The following ITPR1 variants were observed in gnomAD, a reference collection of about 807,000 sequenced individuals.
ITPR1 encodes the protein inositol 1,4,5-trisphosphate receptor type 1.
ITPR1 carries 96 observed loss-of-function variants against 318.4 expected under a neutral mutation model. The ratio of observed to expected loss-of-function variants is 0.30; its 90% CI spans 0.26 to 0.36. ITPR1 has a LOEUF of 0.36. ITPR1 is among the 10% of genes least tolerant of loss of function. The pLI is 1.00. For synonymous variants in ITPR1, 1,312 were observed against 1,289.9 expected (o/e 1.02, Z -0.37); for missense variants, 2,440 against 3,460.2 (o/e 0.71, Z 7.40).
intron 24 of ITPR1, among the ~76,000 whole-genome samples, chr3:4,679,369 G>C (rs1186824740): frequency 3.3e-5 from 5 of 152,226 alleles, no homozygotes; most frequent in East Asian, 3.9e-4. Flanking sequence ...ACAGCAAGCT[G>C]TGTCCCGGGA....
chr3:4,586,614 A>G (rs2089928655), intron 4 of ITPR1, among the ~76,000 whole-genome samples: 1 of 147,838 alleles, frequency 6.8e-6, no homozygotes, highest in African/African-American at 2.5e-5. Context: ...GGCTCAAGCC[A>G]TCCTCCCACC....
intron 20 of ITPR1, among the ~76,000 whole-genome samples, chr3:4,672,887 A>G (rs748518630): frequency 5.0e-4 from 76 of 152,312 alleles, no homozygotes; most frequent in African/African-American, 1.7e-3. Context: ...AATTGCTCCA[A>G]CACAGCTGGA....
At chr3:4,784,395 A>G (rs2047030876) in intron 51 of ITPR1, among the ~76,000 whole-genome samples, 2 of 152,126 alleles carry the variant, frequency 1.3e-5, no homozygotes, top group South Asian at 4.1e-4. Context: ...TTCAAGGCTC[A>G]GGGCATAGAG....
At chr3:4,589,065 T>C (rs2090166426) in intron 4 of ITPR1, among the ~76,000 whole-genome samples, 1 of 152,176 alleles carries the variant, frequency 6.6e-6, no homozygotes, top group African/African-American at 2.4e-5. Flanking sequence ...GGCGTGCACC[T>C]GTGCTCCCAG....
intron 4 of ITPR1, among the ~76,000 whole-genome samples, chr3:4,566,600 A>G (rs1288164401): frequency 7.9e-6 from 1 of 127,190 alleles, no homozygotes; most frequent in East Asian, 2.2e-4. Flanking sequence ...GAATGGGGAC[A>G]CATGCACACA....
chr3:4,654,714 G>T (rs1162471392), intron 12 of ITPR1, among the ~76,000 whole-genome samples: 1 of 152,224 alleles, frequency 6.6e-6, no homozygotes. Context: ...TTTTGAAAAA[G>T]AAATGGAGGG....
intron 53 of ITPR1, among the ~76,000 whole-genome samples, chr3:4,797,699 A>G (rs967476701): frequency 6.6e-6 from 1 of 152,256 alleles, no homozygotes; most frequent in Non-Finnish European, 1.5e-5. Flanking sequence ...TCAAATATAC[A>G]CACAAGTAGA....
intron 44 of ITPR1, among the ~76,000 whole-genome samples, chr3:4,740,605 C>T (rs2043629783): frequency 6.6e-6 from 1 of 152,190 alleles, no homozygotes; most frequent in Non-Finnish European, 1.5e-5. Flanking sequence ...CAGGTTACTT[C>T]CCAGTCTGGC....
At chr3:4,613,615 T>C (rs2092260325) in intron 4 of ITPR1, among the ~76,000 whole-genome samples, 1 of 152,102 alleles carries the variant, frequency 6.6e-6, no homozygotes, top group South Asian at 2.1e-4. Flanking sequence ...CTCTCTTCCT[T>C]ATAGACCAGC....
intron 2 of ITPR1, among the ~76,000 whole-genome samples, chr3:4,514,197 TCAA>T (rs1485473912): frequency 6.6e-6 from 1 of 152,182 alleles, no homozygotes; most frequent in Non-Finnish European, 1.5e-5. Flanking sequence ...CTCAGTGTCT[TCAA>T]CAACAAAATG....
At chr3:4,841,275 G>C (rs924465263) in intron 61 of ITPR1, among the ~76,000 whole-genome samples, 6 of 152,180 alleles carry the variant, frequency 3.9e-5, no homozygotes, top group Admixed American at 3.3e-4. Context: ...GAAGTAGGTA[G>C]GTAGTGGTCC....
At chr3:4,753,810 G>A (rs1436254030) in intron 44 of ITPR1, among the ~76,000 whole-genome samples, 1 of 152,108 alleles carries the variant, frequency 6.6e-6, no homozygotes, top group Non-Finnish European at 1.5e-5. Context: ...TAGACACCCT[G>A]CCGGTACTGT....
At chr3:4,731,991 C>G (rs1559791655) in intron 42 of ITPR1, among the ~76,000 whole-genome samples, 1 of 152,244 alleles carries the variant, frequency 6.6e-6, no homozygotes. Flanking sequence ...TCCCTCACCT[C>G]TCTTCATGAC....
intron 12 of ITPR1, among the ~76,000 whole-genome samples, chr3:4,656,045 G>A (rs559620049): frequency 6.6e-6 from 1 of 152,272 alleles, no homozygotes; most frequent in South Asian, 2.1e-4. Flanking sequence ...GCTTTGTTGT[G>A]CTCGTCCTTC....
intron 4 of ITPR1, among the ~76,000 whole-genome samples, chr3:4,609,310 C>T (rs1258955869): frequency 6.6e-6 from 1 of 151,316 alleles, no homozygotes; most frequent in Non-Finnish European, 1.5e-5. Context: ...CTGAAAAAAC[C>T]TGTTTGGTGG....
intron 2 of ITPR1, among the ~76,000 whole-genome samples, chr3:4,496,022 A>G (rs747994035): frequency 1.2e-4 from 18 of 152,238 alleles, no homozygotes; most frequent in Non-Finnish European, 2.5e-4. Context: ...AGATACTGTA[A>G]TGAGTTCATT....
intron 46 of ITPR1, among the ~76,000 whole-genome samples, chr3:4,769,768 A>T (rs1227952527): frequency 6.6e-6 from 1 of 152,200 alleles, no homozygotes; most frequent in African/African-American, 2.4e-5. Context: ...TTGTTAACCA[A>T]ATGCTGAGAG....
intron 39 of ITPR1, among the ~76,000 whole-genome samples, chr3:4,712,309 A>C (rs900858296): frequency 2.0e-5 from 3 of 152,066 alleles, no homozygotes; most frequent in Non-Finnish European, 4.4e-5. Flanking sequence ...TTCTAACTGC[A>C]ATTAAGGCAG....
intron 2 of ITPR1, among the ~76,000 whole-genome samples, chr3:4,498,155 G>C (rs1158422007): frequency 6.6e-6 from 1 of 152,296 alleles, no homozygotes; most frequent in East Asian, 1.9e-4. Context: ...AATGTACTTA[G>C]TGCCACTGAG....
Sources: gnomAD v4.1 joint callset for allele counts (sites outside exome capture counted in the v4.1 genomes callset) on GRCh38, gnomAD v4.1.1 for gene constraint, MANE v1.5 for transcripts, NCBI Gene and HGNC (gene_info 2026-07-23, HGNC 2026-07-21) for gene names.